CFAP46: variants seen among roughly 807,000 people sequenced by gnomAD.
CFAP46 encodes the protein cilia and flagella associated protein 46.
In CFAP46, 245 loss-of-function variants were observed where a neutral mutation model predicts 325.7. That is an observed-to-expected ratio of 0.75 (90% CI 0.68 to 0.84). CFAP46 has a LOEUF of 0.84. Among genes scored for constraint, CFAP46 ranks in the 40% least tolerant of loss-of-function variants. The pLI, the probability that CFAP46 is intolerant of heterozygous loss-of-function variation, is 0.00. For synonymous variants in CFAP46, 1,523 were observed against 1,495.9 expected, an observed-to-expected ratio of 1.02 and a Z score of -0.42; for missense variants, 3,346 against 3,543.0, an observed-to-expected ratio of 0.94 and a Z score of 1.41.
chr10:132,909,264 G>T lies in CFAP46; in HGVS notation c.2650-20C>A, dbSNP rs111269847. 8.5e-5 allele frequency: 130 copies of T among 1,526,410 alleles called. No individual in the cohort carries two copies. Among genetic ancestry groups the T allele is most frequent in the Middle Eastern group, 8.4e-4 (5 of 5,938 alleles). 94.6% of individuals were successfully genotyped at this position (1,526,410 alleles called of 1,614,324 possible). A position where few individuals can be genotyped will look rare whatever the true frequency, so the allele number is the denominator to read the frequency against. On this transcript the variant is annotated intron_variant, in intron 20 of 57. Coordinates refer to ENST00000368586, the MANE Select transcript of CFAP46 (RefSeq NM_001200049.3). ...GGTGCCCTGGTGGGGAGGATGCCCT[G>T]AGTGTATCAGCCCAAGCGTGCGGGG...
chr10:132,838,992 T>G (rs1367250002), intron 44 of CFAP46, among the ~76,000 whole-genome samples: 4 of 152,234 alleles, frequency 2.6e-5, no homozygotes, highest in Non-Finnish European at 4.4e-5. Context: ...ACCATTAAAA[T>G]TATTGGCCAC....
chr10:132,934,973 T>C (rs1849969953), intron 7 of CFAP46, 111 bp from the exon 8 acceptor site: 4 of 744,798 alleles, frequency 5.4e-6, no homozygotes, highest in Non-Finnish European at 9.3e-6. Context: ...AAGAGGAGAC[T>C]GAAAATAACC....
chr10:132,835,473 G>C, intron 46 of CFAP46, 39 bp from the exon 47 acceptor site: 1 of 1,611,564 alleles, frequency 6.2e-7, no homozygotes, highest in Non-Finnish European at 8.5e-7. Context: ...GCTGCCCAGG[G>C]CTGAGGATGG....
chr10:132,809,098 C>T (rs548063643), intron 57 of CFAP46, among the ~76,000 whole-genome samples, 194 bp from the exon 58 acceptor site: 14 of 152,238 alleles, frequency 9.2e-5, no homozygotes, highest in African/African-American at 2.2e-4. Context: ...TCCAGGCCCG[C>T]GCAGCCGGGT....
At chr10:132,921,154 A>G (rs12263313) in intron 13 of CFAP46, among the ~76,000 whole-genome samples, 6,264 of 152,096 alleles carry the variant, frequency 0.041, 409 homozygotes, top group African/African-American at 0.14. Flanking sequence ...CCCGACCACC[A>G]TCTCCACAGG....
intron 12 of CFAP46, 100 bp from the exon 13 acceptor site, chr10:132,922,324 G>A (rs1375030118): frequency 8.8e-6 from 13 of 1,479,694 alleles, no homozygotes; most frequent in Non-Finnish European, 1.2e-5. Flanking sequence ...GGCCTGTGTG[G>A]TCCTCGTGCT....
rs1564771097 is a variant in CFAP46, at chr10:132,833,490, G to A, written c.6985C>T (p.Leu2329=). The A allele has an allele frequency of 1.9e-6, 3 of 1,613,988 alleles. No homozygotes were observed. The highest frequency in any genetic ancestry group is 2.5e-6 in the Non-Finnish European group (3 of 1,180,008). Residue 2329 remains leucine, a synonymous_variant, in exon 50 of 58, where the codon CTG becomes TTG. Coordinates refer to ENST00000368586, the MANE Select transcript of CFAP46 (RefSeq NM_001200049.3). ...VQPEVADKIV[L]VADRHLLELP... is the part of the protein sequence containing the mutation. ...TCCAGGAGATGTCTGTCTGCGACCAGGACTATCTTATCGGCAACCTCAGGC... is the reference window on the plus strand; with the variant it reads ...TCCAGGAGATGTCTGTCTGCGACCAAGACTATCTTATCGGCAACCTCAGGC...
At chr10:132,809,939 C>T (rs1308529620) in intron 57 of CFAP46, among the ~76,000 whole-genome samples, 2 of 152,236 alleles carry the variant, frequency 1.3e-5, no homozygotes, top group Non-Finnish European at 2.9e-5. Flanking sequence ...TCCGGGAGGC[C>T]TCTTCCTGGG....
intron 41 of CFAP46, among the ~76,000 whole-genome samples, chr10:132,848,672 G>C (rs867692086): frequency 6.6e-6 from 1 of 152,222 alleles, no homozygotes; most frequent in Non-Finnish European, 1.5e-5. Flanking sequence ...CAAGAACAGC[G>C]AAAGAGACCA....
intron 44 of CFAP46, among the ~76,000 whole-genome samples, chr10:132,844,290 C>A (rs1848398949): frequency 6.6e-6 from 1 of 152,140 alleles, no homozygotes. Context: ...GCTCCTCCTC[C>A]TCGCAGAGCT....
intron 34 of CFAP46, among the ~76,000 whole-genome samples, chr10:132,866,738 C>T (rs1301504860): frequency 6.6e-6 from 1 of 152,232 alleles, no homozygotes; most frequent in Non-Finnish European, 1.5e-5. Flanking sequence ...CCTGTCCTGT[C>T]CTGACTGCCA....
chr10:132,834,672 A>G lies in CFAP46; in HGVS notation c.6848T>C (p.Leu2283Pro). ...CCAGTACCTGGCCTTGGAGAGGCTG[A>G]GCAGGGGGAATAGCGGCTGCAGAAG... ...EELLQPLFPLLSLSKARVQTP... is the reference protein window; with the variant it reads ...EELLQPLFPLPSLSKARVQTP... The change falls in exon 48 of 58, where the codon CTC becomes CCC. Residue 2283 changes from leucine to proline, a missense_variant. By Grantham distance (98) the Leu-to-Pro change is moderately conservative. Coordinates refer to ENST00000368586, the MANE Select transcript of CFAP46 (RefSeq NM_001200049.3). 2 of 1,613,402 alleles carry G rather than the reference A, an allele frequency of 1.2e-6. No individual in the cohort carries two copies. Among genetic ancestry groups the G allele is most frequent in the Non-Finnish European group, 1.7e-6 (2 of 1,179,968 alleles).
chr10:132,891,467 G>T (rs970089218), intron 25 of CFAP46, among the ~76,000 whole-genome samples: 1 of 152,228 alleles, frequency 6.6e-6, no homozygotes, highest in African/African-American at 2.4e-5. Flanking sequence ...CCAAGTTCCA[G>T]CCTGACTCTA....
At position 132,814,723 on chromosome 10, in the gene CFAP46, G is replaced by A. The variant is rs764620965; in HGVS notation, c.7212C>T (p.Pro2404=). ...CTGAGTCGACTATGATGCAGTCAGG[G>A]GGGATGGTCCGGGGGATGCTGCCCT... ...GRKGSIPRTI[P]PDCIIVDSDN... Residue 2404 remains proline (P), a synonymous_variant, in exon 52 of 58, where the codon CCC becomes CCT. Transcript: ENST00000368586. 28 of 1,613,276 alleles carry A rather than the reference G, an allele frequency of 1.7e-5. No homozygotes were observed. Among genetic ancestry groups the A allele is most frequent in the Non-Finnish European group, 2.4e-5 (28 of 1,179,668 alleles).
rs559378160 is a variant in CFAP46, at chr10:132,867,402, C to A, written c.4716G>T (p.Glu1572Asp). The A allele has an allele frequency of 6.4e-7, 1 of 1,550,444 alleles. No homozygotes were observed. Among genetic ancestry groups the A allele is most frequent in the East Asian group, 2.4e-5 (1 of 40,914 alleles). The change falls in exon 34 of 58, where the codon GAG (glutamate) becomes GAT (aspartate). Residue 1572 changes from glutamate to aspartate, a missense_variant. Transcript: ENST00000368586. ...NEQTLPVQPG[E>D]IKPLDAKDKI... ...TGTCCTTGGCGTCCAGTGGTTTGATCTCCCCAGGCTGGACAGGAAGTGTCT... is the reference window on the plus strand; with the variant it reads ...TGTCCTTGGCGTCCAGTGGTTTGATATCCCCAGGCTGGACAGGAAGTGTCT...
chr10:132,890,944 C>T (rs757866091), intron 25 of CFAP46, among the ~76,000 whole-genome samples: 18 of 152,234 alleles, frequency 1.2e-4, no homozygotes, highest in Non-Finnish European at 2.4e-4. Flanking sequence ...TTCCCAAATA[C>T]ACCTTAGGAC....
intron 50 of CFAP46, among the ~76,000 whole-genome samples, chr10:132,818,236 G>A (rs909641420): frequency 6.6e-6 from 1 of 151,972 alleles, no homozygotes; most frequent in East Asian, 1.9e-4. Flanking sequence ...TTCAATAAGC[G>A]ATGTGCAGAC....
intron 44 of CFAP46, chr10:132,837,161 T>C: frequency 2.0e-6 from 1 of 509,110 alleles, no homozygotes; most frequent in Non-Finnish European, 3.5e-6. Context: ...CGGTTGTTAA[T>C]GTTTAGAAAC....
intron 25 of CFAP46, among the ~76,000 whole-genome samples, chr10:132,891,599 T>C (rs902293060): frequency 6.6e-6 from 1 of 152,248 alleles, no homozygotes; most frequent in African/African-American, 2.4e-5. Flanking sequence ...AAAATCCACA[T>C]GCTGTGGAGA....
Sources: gnomAD v4.1 joint callset for allele counts (sites outside exome capture counted in the v4.1 genomes callset) on GRCh38, gnomAD v4.1.1 for gene constraint, MANE v1.5 for transcripts, NCBI Gene and HGNC (gene_info 2026-07-23, HGNC 2026-07-21) for gene names.